Variants in RSF1 observed in about 807,000 individuals in gnomAD.
The protein encoded by RSF1 is HBV pX-associated protein 8.
RSF1 carries 13 observed loss-of-function variants against 145.2 expected under a neutral mutation model. The ratio of observed to expected loss-of-function variants is 0.09; its 90% CI spans 0.06 to 0.14. The LOEUF (loss-of-function observed/expected upper bound fraction) is 0.14, where lower values mean the gene tolerates loss of function less well. Among genes scored for constraint, RSF1 ranks in the 10% least tolerant of loss-of-function variants. RSF1 has a pLI of 1.00. For missense variants in RSF1, 1,517 were observed against 1,718.2 expected, an observed-to-expected ratio of 0.88 and a Z score of 2.07; for synonymous variants, 577 against 592.6, an observed-to-expected ratio of 0.97 and a Z score of 0.38.
chr11:77,708,507 T>C (rs917146910), intron 5 of RSF1, among the ~76,000 whole-genome samples: 1 of 152,218 alleles, frequency 6.6e-6, no homozygotes, highest in Non-Finnish European at 1.5e-5. Flanking sequence ...ATGCTTTGCA[T>C]TTCATATCCT....
intron 1 of RSF1, among the ~76,000 whole-genome samples, chr11:77,767,850 T>C (rs1336984580): frequency 1.3e-5 from 2 of 152,210 alleles, no homozygotes; most frequent in African/African-American, 4.8e-5. Context: ...TCATGAAAGA[T>C]TTTGATACAA....
intron 4 of RSF1, among the ~76,000 whole-genome samples, chr11:77,737,621 G>GTGTGTGGGTGT (rs1554991241): frequency 1.1e-5 from 1 of 93,496 alleles, no homozygotes; most frequent in East Asian, 2.8e-4. Context: ...TGTTTTGGGG[G>GTGTGTGGGTGT]GTGTGTGTGT....
At position 77,764,693 on chromosome 11, in the gene RSF1, AAAAG is replaced by A; in HGVS notation, c.188-8_188-5del. 2.0e-6 allele frequency: 3 copies of A among 1,529,992 alleles called. No homozygotes were observed. Among genetic ancestry groups the A allele is most frequent in the South Asian group, 1.2e-5 (1 of 84,636 alleles). 94.8% of individuals were successfully genotyped at this position (1,529,992 alleles called of 1,614,324 possible). ...AGCTCCACCAATTCTTTTGGTACTT[AAAAG>A]AAAGAAAAAAAATATCATTAGCCAA... On this transcript the variant is annotated splice_polypyrimidine_tract_variant and splice_region_variant and intron_variant, in intron 1 of 15. Coordinates refer to ENST00000308488, the MANE Select transcript of RSF1 (RefSeq NM_016578.4).
chr11:77,676,716 T>C, intron 13 of RSF1, 76 bp downstream of exon 13: 1 of 1,270,208 alleles, frequency 7.9e-7, no homozygotes, highest in South Asian at 1.5e-5. Flanking sequence ...CATCACAGCA[T>C]GGGCAAGCCT....
chr11:77,752,978 G>A (rs766900540), intron 2 of RSF1, among the ~76,000 whole-genome samples: 25 of 152,118 alleles, frequency 1.6e-4, no homozygotes, highest in Non-Finnish European at 3.5e-4. Flanking sequence ...CTACAAATGC[G>A]ATGGCAACAC....
chr11:77,840,620 G>A, the RSF1 span, among the ~76,000 whole-genome samples: 1 of 152,132 alleles, frequency 6.6e-6, no homozygotes, highest in African/African-American at 2.4e-5. Flanking sequence ...TGTTACCCAG[G>A]CTGGTCTTGA....
the RSF1 span, among the ~76,000 whole-genome samples, chr11:77,826,644 A>G: frequency 6.6e-6 from 1 of 152,148 alleles, no homozygotes; most frequent in Admixed American, 6.5e-5. Context: ...TCTGTCTCCA[A>G]CAACACCCAG....
intron 4 of RSF1, chr11:77,734,988 G>A: frequency 6.3e-7 from 1 of 1,596,376 alleles, no homozygotes; most frequent in Non-Finnish European, 8.5e-7. Flanking sequence ...AGTCCTGGTG[G>A]TAGTTCTGGC....
chr11:77,716,678 A>T (rs1289783088), intron 5 of RSF1, among the ~76,000 whole-genome samples: 1 of 152,050 alleles, frequency 6.6e-6, no homozygotes, highest in African/African-American at 2.4e-5. Context: ...CAAGAGATCT[A>T]CTACTGTACA....
At chr11:77,864,681 A>T in the RSF1 span, among the ~76,000 whole-genome samples, 4 of 152,176 alleles carry the variant, frequency 2.6e-5, no homozygotes, top group Admixed American at 2.6e-4. Flanking sequence ...ATGTTCCTTG[A>T]ATAGAATGAC....
At chr11:77,707,228 T>C (rs1416699525) in intron 5 of RSF1, among the ~76,000 whole-genome samples, 1 of 152,214 alleles carries the variant, frequency 6.6e-6, no homozygotes, top group African/African-American at 2.4e-5. Context: ...CACTCAAACA[T>C]GTGCTGACTA....
the RSF1 span, among the ~76,000 whole-genome samples, chr11:77,848,391 C>G: frequency 6.6e-6 from 1 of 152,042 alleles, no homozygotes; most frequent in Non-Finnish European, 1.5e-5. Flanking sequence ...CGGAGTCTTG[C>G]TCTGTCACCC....
At chr11:77,684,244 A>G (rs1959944968) in intron 10 of RSF1, among the ~76,000 whole-genome samples, 2 of 152,242 alleles carry the variant, frequency 1.3e-5, no homozygotes, top group African/African-American at 4.8e-5. Context: ...GAATGAAATT[A>G]CTTATACACA....
At chr11:77,771,533 T>A (rs1220491875) in intron 1 of RSF1, among the ~76,000 whole-genome samples, 2 of 152,152 alleles carry the variant, frequency 1.3e-5, no homozygotes, top group African/African-American at 4.8e-5. Context: ...GAGTTTAGAT[T>A]TTATTCTAAG....
At chr11:77,803,469 C>CA (rs774491275) in intron 1 of RSF1, among the ~76,000 whole-genome samples, 2 of 146,582 alleles carry the variant, frequency 1.4e-5, no homozygotes, top group African/African-American at 5.0e-5. Flanking sequence ...TATCACAAAA[C>CA]AAATACCCTA....
chr11:77,716,909 G>A (rs1960824136), intron 5 of RSF1, among the ~76,000 whole-genome samples: 2 of 152,244 alleles, frequency 1.3e-5, no homozygotes, highest in South Asian at 4.1e-4. Flanking sequence ...CAGGCATGCT[G>A]GCTCATGCCT....
intron 5 of RSF1, among the ~76,000 whole-genome samples, chr11:77,706,708 G>C (rs1441971384): frequency 6.6e-6 from 1 of 151,728 alleles, no homozygotes; most frequent in Non-Finnish European, 1.5e-5. Flanking sequence ...ACGTACGCAG[G>C]TTTGTTATAC....
In RSF1 at chr11:77,698,752, C is replaced by T. The variant is rs374754656; in HGVS notation, c.2509-59G>A. ...ATATAAGAATGTCTTTTAAAAATCT[C>T]CTGATTACATGTCCATTGTATAATA... is the stretch of plus-strand genomic sequence containing the variant. On this transcript the variant is annotated intron_variant, in intron 6 of 15. Transcript: ENST00000308488. 7 of 1,382,970 alleles carry T rather than the reference C, an allele frequency of 5.1e-6. No individual in the cohort carries two copies. The African/African-American group carries it at 1.0e-4, about 20-fold the overall frequency. 85.7% of individuals were successfully genotyped at this position (1,382,970 alleles called of 1,614,324 possible).
chr11:77,682,051 A>C (rs1959876331), intron 11 of RSF1, among the ~76,000 whole-genome samples: 1 of 152,222 alleles, frequency 6.6e-6, no homozygotes, highest in Admixed American at 6.5e-5. Flanking sequence ...TTTTTTAAAA[A>C]TACATGTTAT....
Sources: allele counts gnomAD v4.1 joint callset (sites outside exome capture counted in the v4.1 genomes callset), GRCh38; gene constraint gnomAD v4.1.1; transcripts MANE v1.5; gene names NCBI Gene and HGNC (gene_info 2026-07-23, HGNC 2026-07-21).